Variants in GRIK1 observed in about 807,000 individuals in gnomAD.
GRIK1 encodes the protein glutamate ionotropic receptor kainate type subunit 1, also known as glutamate receptor ionotropic, kainate 1.
Under a neutral mutation model 105.7 loss-of-function variants are expected in GRIK1, and 69 were observed. The ratio of observed to expected loss-of-function variants is 0.65; its 90% CI spans 0.54 to 0.80. The LOEUF (loss-of-function observed/expected upper bound fraction) is 0.80, where lower values mean the gene tolerates loss of function less well. GRIK1 is among the 30% of genes least tolerant of loss of function. GRIK1 has a pLI of 0.00. For missense variants in GRIK1, 1,109 were observed against 1,167.3 expected (o/e 0.95, Z 0.73); for synonymous variants, 438 against 431.3 (o/e 1.02, Z -0.19).
chr21:29,688,375 G>T (rs1009330856), intron 3 of GRIK1, among the ~76,000 whole-genome samples: 1 of 152,164 alleles, frequency 6.6e-6, no homozygotes, highest in Non-Finnish European at 1.5e-5. Context: ...AATAGTAACT[G>T]CTAGTGCTTG....
intron 1 of GRIK1, among the ~76,000 whole-genome samples, chr21:29,738,321 A>G (rs376528359): frequency 6.6e-6 from 1 of 152,254 alleles, no homozygotes; most frequent in East Asian, 1.9e-4. Context: ...GCCATCTTTA[A>G]TAATTACAAC....
intron 1 of GRIK1, among the ~76,000 whole-genome samples, chr21:29,743,229 G>A (rs1035529516): frequency 6.6e-6 from 1 of 151,892 alleles, no homozygotes; most frequent in Non-Finnish European, 1.5e-5. Context: ...AGGGCATATG[G>A]GTGTTTATAG....
chr21:29,718,831 G>A (rs2064243067), intron 1 of GRIK1, among the ~76,000 whole-genome samples: 1 of 152,154 alleles, frequency 6.6e-6, no homozygotes, highest in Admixed American at 6.5e-5. Context: ...CTAGTGCTCA[G>A]TGCCTTTGCA....
chr21:29,541,573 G>GTTTTTTTTTTTTT (rs1202014711), intron 16 of GRIK1, among the ~76,000 whole-genome samples: 13 of 83,706 alleles, frequency 1.6e-4, no homozygotes, highest in African/African-American at 8.7e-4. Flanking sequence ...TGCACTCACG[G>GTTTTTTTTTTTTT]TCTTTTTTTT....
chr21:29,742,448 T>A (rs181954034), intron 1 of GRIK1, among the ~76,000 whole-genome samples: 2 of 152,238 alleles, frequency 1.3e-5, no homozygotes, highest in Admixed American at 6.5e-5. Context: ...TGTATATTAC[T>A]GAGTCACTCA....
intron 1 of GRIK1, among the ~76,000 whole-genome samples, chr21:29,798,083 G>C (rs762023734): frequency 2.6e-5 from 4 of 152,190 alleles, no homozygotes; most frequent in South Asian, 2.1e-4. Flanking sequence ...TACTCAACAT[G>C]ATGAGTCCTG....
At chr21:29,556,272 G>C (rs577464560) in intron 15 of GRIK1, among the ~76,000 whole-genome samples, 10 of 152,274 alleles carry the variant, frequency 6.6e-5, no homozygotes, top group Non-Finnish European at 1.2e-4. Context: ...AGTTTAATAT[G>C]TATGTTTAGC....
intron 1 of GRIK1, among the ~76,000 whole-genome samples, chr21:29,858,721 T>C (rs2068541575): frequency 6.6e-6 from 1 of 152,110 alleles, no homozygotes; most frequent in Admixed American, 6.6e-5. Flanking sequence ...CCTGTAGCTC[T>C]GCTCAGTGAC....
chr21:29,642,874 T>C lies in GRIK1; in HGVS notation c.1050A>G (p.Arg350=). The C allele has an allele frequency of 6.2e-7, 1 of 1,613,736 alleles. No individual in the cohort carries two copies. Among genetic ancestry groups the C allele is most frequent in the South Asian group, 1.1e-5 (1 of 91,072 alleles). ...QLTVSSLQCH[R]HKPWRLGPRF... The stretch of plus-strand genomic sequence containing the variant: ...TGGGTCCGAGGCGCCATGGCTTATG[T>C]CTATGGCACTGCAGGGAGCTGACGG... Residue 350 remains arginine (R), a synonymous_variant, in exon 7 of 18, where the codon AGA becomes AGG. Coordinates refer to ENST00000327783, the MANE Select transcript of GRIK1 (RefSeq NM_001330994.2).
intron 4 of GRIK1, among the ~76,000 whole-genome samples, chr21:29,655,949 A>G (rs2062839050): frequency 6.6e-6 from 1 of 152,184 alleles, no homozygotes; most frequent in Admixed American, 6.5e-5. Context: ...AAGAAGATGC[A>G]AATGGTTTGG....
intron 1 of GRIK1, among the ~76,000 whole-genome samples, chr21:29,821,898 T>C (rs2067317028): frequency 6.6e-6 from 1 of 152,066 alleles, no homozygotes; most frequent in African/African-American, 2.4e-5. Context: ...AAAATACTTG[T>C]AGGCTATGCA....
intron 1 of GRIK1, among the ~76,000 whole-genome samples, chr21:29,738,753 G>A (rs991750025): frequency 2.6e-5 from 4 of 152,104 alleles, no homozygotes; most frequent in Admixed American, 6.5e-5. Flanking sequence ...GTCATAGAAT[G>A]TAAAAGGAAC....
chr21:29,874,065 C>T (rs1188687757), intron 1 of GRIK1, among the ~76,000 whole-genome samples: 1 of 152,152 alleles, frequency 6.6e-6, no homozygotes, highest in Non-Finnish European at 1.5e-5. Context: ...GGCGATACTG[C>T]GAGTGACGGG....
intron 1 of GRIK1, among the ~76,000 whole-genome samples, chr21:29,832,638 TG>T (rs1385446887): frequency 1.3e-5 from 2 of 152,154 alleles, no homozygotes; most frequent in Non-Finnish European, 2.9e-5. Flanking sequence ...CTGGAGCTGC[TG>T]GGATGCAGGG....
chr21:29,756,956 A>G (rs1194215502), intron 1 of GRIK1, among the ~76,000 whole-genome samples: 1 of 151,716 alleles, frequency 6.6e-6, no homozygotes, highest in Non-Finnish European at 1.5e-5. Flanking sequence ...TCTACTAAAA[A>G]CATACAAAAA....
At chr21:29,587,707 C>A in intron 11 of GRIK1, 118 bp from the exon 12 acceptor site, 1 of 617,776 alleles carries the variant, frequency 1.6e-6, no homozygotes. Flanking sequence ...TCATGAAGCT[C>A]CTGTGATGGT....
At position 29,740,846 on chromosome 21, in the gene GRIK1, T is replaced by A. The variant is rs2064909277; in HGVS notation, c.119-46783A>T. Among the ~76,000 whole-genome samples the A allele has an allele frequency of 2.6e-5, 4 of 151,852 alleles. No individual in the cohort carries two copies. The South Asian group carries it at 8.3e-4, about 32-fold the overall frequency. On this transcript the variant is annotated intron_variant, in intron 1 of 17. Transcript: ENST00000327783. ...AAGGCACTGCAGACGACTCAGGGGG[T>A]TGAGAGGTTGGCCTTTTCTTTGCTA...
At chr21:29,732,243 G>T (rs1645611320) in intron 1 of GRIK1, among the ~76,000 whole-genome samples, 1 of 152,084 alleles carries the variant, frequency 6.6e-6, no homozygotes, top group Non-Finnish European at 1.5e-5. Flanking sequence ...AGGCTTTGGG[G>T]GATAGGCATG....
chr21:29,855,331 G>A (rs1017233781), intron 1 of GRIK1, among the ~76,000 whole-genome samples: 6 of 152,166 alleles, frequency 3.9e-5, no homozygotes, highest in African/African-American at 1.4e-4. Flanking sequence ...AATACAGGAA[G>A]TACTACACAG....
Sources: gnomAD v4.1 joint callset for allele counts (sites outside exome capture counted in the v4.1 genomes callset) on GRCh38, gnomAD v4.1.1 for gene constraint, MANE v1.5 for transcripts, NCBI Gene and HGNC (gene_info 2026-07-23, HGNC 2026-07-21) for gene names.